SLC15A5: variants seen among roughly 807,000 people sequenced by gnomAD.
The protein encoded by SLC15A5 is Peptide/histidine transporter ENSP00000340402.
A neutral mutation model predicts 56.1 loss-of-function variants in SLC15A5; 58 were observed. The observed-to-expected ratio is 1.03, with a 90% CI of 0.84 to 1.29. SLC15A5 has a LOEUF of 1.29. Ranked by LOEUF, SLC15A5 falls within the 50% of genes most tolerant of loss-of-function variation. SLC15A5 has a pLI of 0.00. For synonymous variants in SLC15A5, 264 were observed against 250.5 expected (o/e 1.05, Z -0.51); for missense variants, 681 against 672.1 (o/e 1.01, Z -0.15).
In SLC15A5 at chr12:16,235,097, A is replaced by G. The variant is rs1377667042; in HGVS notation, c.1162+4584T>C. ...ATGAACTACTCTCATAAAGACAGCTATAATTTTATTGTCTTATGTATCTGC... is the reference window on the plus strand; with the variant it reads ...ATGAACTACTCTCATAAAGACAGCTGTAATTTTATTGTCTTATGTATCTGC... On this transcript the variant is annotated intron_variant, in intron 5 of 8. Transcript: ENST00000344941. This position sits in a 1 kb window ranked among gnomAD's most constrained non-coding sequence, Gnocchi z 4.1. Among the ~76,000 whole-genome samples the G allele has an allele frequency of 6.6e-6, 1 of 151,970 alleles. No individual in the cohort carries two copies. The highest frequency in any genetic ancestry group is 1.9e-4 in the East Asian group (1 of 5,188).
At position 16,266,002 on chromosome 12, in the gene SLC15A5, C is replaced by T. The variant is rs74065839; in HGVS notation, c.584+6559G>A. On this transcript the variant is annotated intron_variant, in intron 2 of 8. Coordinates refer to ENST00000344941, the MANE Select transcript of SLC15A5 (RefSeq NM_001170798.1). ...CATAAAAATCAATTAATCAAACAAACACAACGTAAAAAAACTAAAACCTCT... is the reference window on the plus strand; with the variant it reads ...CATAAAAATCAATTAATCAAACAAATACAACGTAAAAAAACTAAAACCTCT... 6.0e-3 allele frequency among the ~76,000 whole-genome samples: 916 copies of T among 152,104 alleles called. 9 individuals carry two copies. The highest frequency in any genetic ancestry group is 0.02 in the African/African-American group (847 of 41,484).
intron 6 of SLC15A5, among the ~76,000 whole-genome samples, chr12:16,222,072 G>A (rs1043959191): frequency 6.6e-6 from 1 of 152,138 alleles, no homozygotes; most frequent in Non-Finnish European, 1.5e-5. Flanking sequence ...AAAAGTAATT[G>A]TGGTTTTTGC....
intron 8 of SLC15A5, among the ~76,000 whole-genome samples, chr12:16,193,837 GA>G (rs1863866709): frequency 1.3e-4 from 18 of 142,072 alleles, no homozygotes; most frequent in African/African-American, 3.9e-4. Flanking sequence ...GAGAGAGAGA[GA>G]GAGAGAGGCT....
chr12:16,258,673 A>G (rs1565672892), intron 2 of SLC15A5, among the ~76,000 whole-genome samples: 1 of 151,912 alleles, frequency 6.6e-6, no homozygotes, highest in African/African-American at 2.4e-5. Flanking sequence ...TTACACTATC[A>G]TTAAAATTTT....
intron 2 of SLC15A5, among the ~76,000 whole-genome samples, chr12:16,270,534 G>T (rs1462670185): frequency 2.0e-5 from 3 of 152,086 alleles, no homozygotes; most frequent in African/African-American, 7.2e-5. Context: ...TTCAGCTGAT[G>T]GCTTATCCAT....
rs560415722 is a variant in SLC15A5, at chr12:16,252,402, A to T, written c.754+5299T>A. Among the ~76,000 whole-genome samples, 7 of 152,198 alleles carry T rather than the reference A, an allele frequency of 4.6e-5. No individual in the cohort carries two copies. The South Asian group carries it at 1.4e-3, about 32-fold the overall frequency. ...TCACAGACGGCATGATCTTATATGT[A>T]CCAAACACTAAGAATTCGACACAAA... On this transcript the variant is annotated intron_variant, in intron 3 of 8. Transcript: ENST00000344941.
intron 2 of SLC15A5, among the ~76,000 whole-genome samples, chr12:16,263,664 G>C (rs866659242): frequency 6.6e-6 from 1 of 152,158 alleles, no homozygotes; most frequent in Non-Finnish European, 1.5e-5. Flanking sequence ...GGCAAAAATG[G>C]TTTTGTGGGC....
rs1173344508 is a variant in SLC15A5, at chr12:16,224,586, A to G, written c.1179T>C (p.Phe393=). The stretch of plus-strand genomic sequence containing the variant: ...CAGCTATCATCACAGACAATGCAGC[A>G]AAAAGATTTCCAGCAACTGAAGGAA... ...LSTCIIAGNL[F]AALSVMIAGF... The change falls in exon 6 of 9, where the codon TTT becomes TTC. Residue 393 remains phenylalanine, a synonymous_variant. Coordinates refer to ENST00000344941, the MANE Select transcript of SLC15A5 (RefSeq NM_001170798.1). 1 of 1,530,312 alleles carries G rather than the reference A, an allele frequency of 6.5e-7. No individual in the cohort carries two copies. The highest frequency in any genetic ancestry group is 8.7e-7 in the Non-Finnish European group (1 of 1,143,504). 94.8% of individuals were successfully genotyped at this position (1,530,312 alleles called of 1,614,324 possible).
chr12:16,194,282 A>G (rs1592105374), intron 8 of SLC15A5, 63 bp downstream of exon 8: 9 of 1,028,196 alleles, frequency 8.8e-6, no homozygotes, highest in South Asian at 1.6e-5. Context: ...TGGCTCAGTG[A>G]TGGTTCCCAG....
At chr12:16,204,593 TAAAAG>T (rs1863996182) in intron 7 of SLC15A5, among the ~76,000 whole-genome samples, 2 of 151,774 alleles carry the variant, frequency 1.3e-5, no homozygotes, top group Non-Finnish European at 1.5e-5. Context: ...TTATAATAAT[TAAAAG>T]GAGAGTGATA....
At chr12:16,194,113 A>G (rs1380610975) in intron 8 of SLC15A5, among the ~76,000 whole-genome samples, 2 of 152,058 alleles carry the variant, frequency 1.3e-5, no homozygotes, top group Non-Finnish European at 2.9e-5. Flanking sequence ...GTGGGGAAAA[A>G]AATCTTGTGT....
chr12:16,192,664 C>A (rs897319906), intron 8 of SLC15A5, among the ~76,000 whole-genome samples: 1 of 152,006 alleles, frequency 6.6e-6, no homozygotes, highest in Non-Finnish European at 1.5e-5. Flanking sequence ...ATGAGTAAAT[C>A]CCTGGGCTAA....
chr12:16,249,974 TG>T (rs2136797004), intron 3 of SLC15A5, among the ~76,000 whole-genome samples: 1 of 152,124 alleles, frequency 6.6e-6, no homozygotes, highest in East Asian at 1.9e-4. Context: ...TAGGAGGACA[TG>T]TACTGCTAAG....
chr12:16,256,381 C>T (rs753232006), intron 3 of SLC15A5, among the ~76,000 whole-genome samples: 5 of 152,058 alleles, frequency 3.3e-5, no homozygotes, highest in South Asian at 2.1e-4. Flanking sequence ...CATTATGCCT[C>T]TTAATTAAAG....
chr12:16,241,471 A>G (rs1864414509), intron 4 of SLC15A5, among the ~76,000 whole-genome samples: 1 of 152,212 alleles, frequency 6.6e-6, no homozygotes, highest in Non-Finnish European at 1.5e-5. Context: ...AACACAGGAC[A>G]AGACCACATT....
At chr12:16,205,588 TATAC>T (rs55680963) in intron 7 of SLC15A5, among the ~76,000 whole-genome samples, 534 of 22,296 alleles carry the variant, frequency 0.024, 19 homozygotes, top group South Asian at 0.043. Context: ...TGCATATATA[TATAC>T]ATATACACAC....
chr12:16,208,660 C>T (rs1299803522), intron 7 of SLC15A5, among the ~76,000 whole-genome samples: 1 of 151,940 alleles, frequency 6.6e-6, no homozygotes, highest in Admixed American at 6.6e-5. Flanking sequence ...GGGCAAGATC[C>T]CATCTCTAAA....
At chr12:16,201,157 A>G (rs966576952) in intron 7 of SLC15A5, among the ~76,000 whole-genome samples, 2 of 152,180 alleles carry the variant, frequency 1.3e-5, no homozygotes, top group Admixed American at 6.6e-5. Flanking sequence ...AGTAGGAAAA[A>G]GTTACAAAGA....
chr12:16,258,990 CTTTT>C (rs35905307), intron 2 of SLC15A5, among the ~76,000 whole-genome samples: 1 of 118,540 alleles, frequency 8.4e-6, no homozygotes, highest in Non-Finnish European at 1.7e-5. Context: ...TCTTCTTTTT[CTTTT>C]TTTTTTTTTC....
Sources: allele counts gnomAD v4.1 joint callset (sites outside exome capture counted in the v4.1 genomes callset), GRCh38; gene constraint gnomAD v4.1.1; non-coding constraint Gnocchi (gnomAD v3.1); transcripts MANE v1.5; gene names NCBI Gene and HGNC (gene_info 2026-07-23, HGNC 2026-07-21).